Variants in DOP1A observed in about 807,000 individuals in gnomAD.
The protein encoded by DOP1A is DOP1 leucine zipper like protein A, also known as protein DOP1A.
Under a neutral mutation model 267.6 loss-of-function variants are expected in DOP1A, and 90 were observed. That is an observed-to-expected ratio of 0.34 (90% CI 0.28 to 0.40). The LOEUF (loss-of-function observed/expected upper bound fraction) is 0.40, where lower values mean the gene tolerates loss of function less well. Among genes scored for constraint, DOP1A ranks in the 10% least tolerant of loss-of-function variants. The pLI is 1.00. For synonymous variants in DOP1A, 932 were observed against 999.1 expected (o/e 0.93, Z 1.27); for missense variants, 2,437 against 2,900.4 (o/e 0.84, Z 3.67).
intron 1 of DOP1A, among the ~76,000 whole-genome samples, chr6:83,075,400 G>A (rs1460991916): frequency 6.6e-6 from 1 of 152,090 alleles, no homozygotes; most frequent in African/African-American, 2.4e-5. Context: ...AGGAAGTATA[G>A]CATGTCATGG....
chr6:83,164,686 G>T lies in DOP1A; in HGVS notation c.7092+1767G>T. ...ACAAGGAGGAGGACTTTAAGACAGTGATTTTGGAGGGATTGGAGATGGCCA... is the reference window on the plus strand; with the variant it reads ...ACAAGGAGGAGGACTTTAAGACAGTTATTTTGGAGGGATTGGAGATGGCCA... On this transcript the variant is annotated intron_variant, in intron 38 of 38. Coordinates refer to ENST00000349129, the MANE Select transcript of DOP1A (RefSeq NM_015018.4). 6 of 1,588,384 alleles carry T rather than the reference G, an allele frequency of 3.8e-6. No homozygotes were observed. The South Asian group carries it at 6.9e-5, about 18-fold the overall frequency.
rs933386636 is a variant in DOP1A at position 83,154,160 on chromosome 6, G to A, written c.6390-20G>A. The A allele has an allele frequency of 3.5e-5, 56 of 1,613,176 alleles. No homozygotes were observed. Among genetic ancestry groups the A allele is most frequent in the Admixed American group, 6.7e-5 (4 of 59,984 alleles). On this transcript the variant is annotated intron_variant, in intron 32 of 38. Coordinates refer to ENST00000349129, the MANE Select transcript of DOP1A (RefSeq NM_015018.4). Reference sequence around the variant, plus strand: ...AACAGTAACAACATAATTACATGTTGTAATCCTTATCTCTTTCAGTTGGAG... The same window carrying A: ...AACAGTAACAACATAATTACATGTTATAATCCTTATCTCTTTCAGTTGGAG...
At chr6:83,166,652 T>A (rs1785746239) in intron 38 of DOP1A, 2 of 1,203,284 alleles carry the variant, frequency 1.7e-6, no homozygotes, top group Admixed American at 7.2e-5. Flanking sequence ...ATTTCAACAA[T>A]GCAAAAACCG....
intron 15 of DOP1A, among the ~76,000 whole-genome samples, chr6:83,127,062 C>T (rs1777290423): frequency 6.6e-6 from 1 of 151,930 alleles, no homozygotes; most frequent in Non-Finnish European, 1.5e-5. Context: ...TGGGACCACT[C>T]AGTTGTTAGA....
intron 1 of DOP1A, among the ~76,000 whole-genome samples, chr6:83,089,495 T>C (rs1769940327): frequency 6.6e-6 from 1 of 152,208 alleles, no homozygotes; most frequent in South Asian, 2.1e-4. Context: ...TTATGTTTCA[T>C]GACAATTCAG....
chr6:83,155,457 A>C (rs1280627251), intron 33 of DOP1A, among the ~76,000 whole-genome samples: 1 of 152,104 alleles, frequency 6.6e-6, no homozygotes, highest in Non-Finnish European at 1.5e-5. Context: ...GGAAGATACC[A>C]TCTCAAAGAA....
intron 33 of DOP1A, among the ~76,000 whole-genome samples, chr6:83,154,931 T>C (rs575758833): frequency 3.9e-4 from 60 of 152,370 alleles, no homozygotes; most frequent in African/African-American, 1.4e-3. Flanking sequence ...ATATCTGTTT[T>C]ATCTTCATAA....
chr6:83,130,884 G>A (rs993573039), intron 17 of DOP1A, among the ~76,000 whole-genome samples: 5 of 151,926 alleles, frequency 3.3e-5, no homozygotes, highest in African/African-American at 9.7e-5. Context: ...GATTACAGGC[G>A]TGTGCCACCA....
chr6:83,150,217 T>C (rs540039436), intron 27 of DOP1A, among the ~76,000 whole-genome samples: 6 of 152,044 alleles, frequency 3.9e-5, no homozygotes, highest in Non-Finnish European at 8.8e-5. Context: ...CTACAAAAAA[T>C]TTAAAAATTA....
intron 6 of DOP1A, among the ~76,000 whole-genome samples, chr6:83,111,559 T>C (rs761961114): frequency 3.3e-5 from 5 of 152,090 alleles, no homozygotes; most frequent in Non-Finnish European, 7.4e-5. Flanking sequence ...TTTTTTATTA[T>C]AGTCCTCCCA....
chr6:83,120,653 A>C, intron 9 of DOP1A, 30 bp from the exon 10 acceptor site: 2 of 1,474,682 alleles, frequency 1.4e-6, no homozygotes, highest in Non-Finnish European at 1.8e-6. Flanking sequence ...ATGTTTACTT[A>C]AATGACCAGT....
rs764075671 is a variant in DOP1A, at chr6:83,162,952, C to T, written c.7092+33C>T. On this transcript the variant is annotated intron_variant, in intron 38 of 38. Coordinates refer to ENST00000349129, the MANE Select transcript of DOP1A (RefSeq NM_015018.4). ...ATTCTTTTGTGATTGTTTTGTTTTA[C>T]ATCACTACATGTTGCATTAGTGAGG... The T allele has an allele frequency of 4.4e-6, 7 of 1,598,392 alleles. No individual in the cohort carries two copies. The Admixed American group carries it at 5.1e-5, about 12-fold the overall frequency.
chr6:83,168,374 C>A lies in DOP1A; in HGVS notation c.*207C>A. On this transcript the variant is annotated 3_prime_UTR_variant, in exon 39 of 39. Transcript: ENST00000349129. ...TTGTTGGCTCATACTGATTATGGTG[C>A]CTAAGAGAGCTATATATATACACAT... 7.3e-7 allele frequency: 1 copy of A among 1,371,440 alleles called. No homozygotes were observed. 85.0% of individuals were successfully genotyped at this position (1,371,440 alleles called of 1,614,324 possible). A position where few individuals can be genotyped will look rare whatever the true frequency, so the allele number is the denominator to read the frequency against.
intron 18 of DOP1A, among the ~76,000 whole-genome samples, chr6:83,133,708 G>A (rs996420568): frequency 1.3e-5 from 2 of 151,724 alleles, no homozygotes; most frequent in Non-Finnish European, 2.9e-5. Flanking sequence ...TTATTTTTAA[G>A]TATTTAAATT....
At chr6:83,156,984 T>C (rs1264284986) in intron 34 of DOP1A, among the ~76,000 whole-genome samples, 198 bp from the exon 35 acceptor site, 4 of 152,184 alleles carry the variant, frequency 2.6e-5, no homozygotes, top group African/African-American at 7.2e-5. Flanking sequence ...AATAAGAAAA[T>C]GACATTTGTA....
intron 3 of DOP1A, 130 bp from the exon 4 acceptor site, chr6:83,100,575 A>T: frequency 3.8e-6 from 2 of 522,492 alleles, no homozygotes; most frequent in Non-Finnish European, 6.4e-6. Context: ...TATGGTATAT[A>T]TAGGCAAATG....
intron 4 of DOP1A, among the ~76,000 whole-genome samples, chr6:83,104,886 C>T (rs1339540697): frequency 6.6e-6 from 1 of 151,236 alleles, no homozygotes; most frequent in Admixed American, 6.6e-5. Context: ...TTTTGTTAGT[C>T]TTTTTAAAAA....
At position 83,159,932 on chromosome 6, in the gene DOP1A, CCCTCTGAAAA is replaced by C; in HGVS notation, c.6938_6947del (p.Ser2313PhefsTer40). 6.2e-7 allele frequency: 1 copy of C among 1,614,036 alleles called. No individual in the cohort carries two copies. Among genetic ancestry groups the C allele is most frequent in the Non-Finnish European group, 8.5e-7 (1 of 1,180,006 alleles). ...ATTTTTGGATTTGGCTCTCGCATTG[CCCTCTGAAAA>C]CCTTCCTCAGTTTCAGATGTAAGTA... On this transcript the variant is annotated frameshift_variant, in exon 37 of 39. Transcript: ENST00000349129. LOFTEE classifies it high-confidence loss of function.
intron 1 of DOP1A, among the ~76,000 whole-genome samples, chr6:83,080,769 A>G (rs1377255982): frequency 1.3e-5 from 2 of 152,292 alleles, no homozygotes; most frequent in South Asian, 2.1e-4. Flanking sequence ...CCCCTTGTAT[A>G]TAGGTTCACC....
Sources: allele counts gnomAD v4.1 joint callset (sites outside exome capture counted in the v4.1 genomes callset), GRCh38; gene constraint gnomAD v4.1.1; transcripts MANE v1.5; gene names NCBI Gene and HGNC (gene_info 2026-07-23, HGNC 2026-07-21).